Variants in KCNK2 observed in about 807,000 individuals in gnomAD.
The protein encoded by KCNK2 is potassium two pore domain channel subfamily K member 2, also known as potassium channel subfamily K member 2.
A neutral mutation model predicts 40.5 loss-of-function variants in KCNK2; 21 were observed. The observed-to-expected ratio is 0.52, with a 90% confidence interval of 0.37 to 0.75. The LOEUF is 0.75. Ranked by LOEUF, KCNK2 falls within the 30% of genes least tolerant of loss-of-function variation. The probability of loss-of-function intolerance (pLI) is 0.00; values close to 1 mark genes in which losing one functional copy is unlikely to be tolerated. For synonymous variants in KCNK2, 191 were observed against 202.2 expected, an observed-to-expected ratio of 0.94 and a Z score of 0.47; for missense variants, 399 against 531.6, an observed-to-expected ratio of 0.75 and a Z score of 2.45.
chr1:215,054,769 T>C (rs1177103904), intron 1 of KCNK2, among the ~76,000 whole-genome samples: 1 of 152,216 alleles, frequency 6.6e-6, no homozygotes, highest in African/African-American at 2.4e-5. Context: ...TTTTTAGCCT[T>C]TTTCCACACA....
chr1:215,112,682 C>T (rs1660745496), intron 2 of KCNK2, among the ~76,000 whole-genome samples: 1 of 151,954 alleles, frequency 6.6e-6, no homozygotes, highest in Admixed American at 6.6e-5. Context: ...ACTTTTATAC[C>T]CAATTTTTAC....
intron 2 of KCNK2, among the ~76,000 whole-genome samples, chr1:215,113,219 A>C (rs1660777778): frequency 6.6e-6 from 1 of 152,156 alleles, no homozygotes; most frequent in Admixed American, 6.6e-5. Context: ...TAAAAAATTC[A>C]TTTATGAATG....
At chr1:215,165,527 T>G (rs188710566) in intron 3 of KCNK2, among the ~76,000 whole-genome samples, 1 of 152,284 alleles carries the variant, frequency 6.6e-6, no homozygotes, top group East Asian at 1.9e-4. Flanking sequence ...TAACCTTTGC[T>G]TCTACAAATA....
At chr1:215,196,274 C>T (rs190794055) in intron 6 of KCNK2, among the ~76,000 whole-genome samples, 513 of 151,942 alleles carry the variant, frequency 3.4e-3, no homozygotes, top group African/African-American at 0.012. Context: ...TTAGTAGAGA[C>T]GGAGTTTCAT....
At chr1:215,041,801 G>A (rs1468153909) in intron 1 of KCNK2, among the ~76,000 whole-genome samples, 1 of 152,120 alleles carries the variant, frequency 6.6e-6, no homozygotes, top group African/African-American at 2.4e-5. Flanking sequence ...ACATCATTTT[G>A]TCATAGACCA....
chr1:215,093,590 AATATATAATATATAGT>A (rs1261292406), intron 2 of KCNK2, among the ~76,000 whole-genome samples: 8 of 105,236 alleles, frequency 7.6e-5, no homozygotes, highest in Non-Finnish European at 1.2e-4. Flanking sequence ...TATACTATAT[AATATATAATATATAGT>A]ATATATAATA....
chr1:215,156,226 G>A (rs1662918633), intron 3 of KCNK2, among the ~76,000 whole-genome samples: 4 of 152,046 alleles, frequency 2.6e-5, no homozygotes, highest in Admixed American at 2.6e-4. Flanking sequence ...ATTTATTTGT[G>A]GTGTTATTAA....
intron 2 of KCNK2, among the ~76,000 whole-genome samples, chr1:215,097,421 T>A (rs1233442079): frequency 1.3e-5 from 2 of 151,550 alleles, no homozygotes; most frequent in Admixed American, 6.6e-5. Context: ...TTACTTTCCT[T>A]TTTTTCTTAA....
At chr1:215,038,692 G>T (rs2102490956) in intron 1 of KCNK2, among the ~76,000 whole-genome samples, 1 of 152,030 alleles carries the variant, frequency 6.6e-6, no homozygotes, top group South Asian at 2.1e-4. Flanking sequence ...TTGTTCCTTG[G>T]TATATTTTAA....
intron 3 of KCNK2, among the ~76,000 whole-genome samples, chr1:215,134,281 G>A (rs1661803017): frequency 6.6e-6 from 1 of 152,064 alleles, no homozygotes. Context: ...ACAGGTGAAG[G>A]GCTCAGTCCC....
chr1:215,162,403 G>A (rs1663240656), intron 3 of KCNK2, among the ~76,000 whole-genome samples: 2 of 152,096 alleles, frequency 1.3e-5, no homozygotes, highest in South Asian at 4.1e-4. Flanking sequence ...TTCTTTTGCT[G>A]TGCAGAAGCT....
At chr1:215,030,656 T>G (rs1051657374) in intron 1 of KCNK2, among the ~76,000 whole-genome samples, 4 of 151,638 alleles carry the variant, frequency 2.6e-5, no homozygotes, top group African/African-American at 9.7e-5. Flanking sequence ...CACCTCAGCC[T>G]CCCGAGTAGC....
intron 3 of KCNK2, among the ~76,000 whole-genome samples, chr1:215,164,445 T>C (rs992315852): frequency 6.6e-6 from 1 of 152,148 alleles, no homozygotes; most frequent in Non-Finnish European, 1.5e-5. Flanking sequence ...AGTTATTTCT[T>C]GTCTTCTGCT....
intron 6 of KCNK2, among the ~76,000 whole-genome samples, chr1:215,209,359 A>T (rs1459755602): frequency 3.0e-5 from 2 of 66,392 alleles, no homozygotes; most frequent in East Asian, 1.0e-3. Context: ...ATTATATATA[A>T]TATATGCATA....
chr1:215,232,137 C>T (rs886210996), intron 6 of KCNK2, among the ~76,000 whole-genome samples: 1 of 152,106 alleles, frequency 6.6e-6, no homozygotes, highest in African/African-American at 2.4e-5. Context: ...GGTGTAGGTA[C>T]AAGAATATTC....
intron 3 of KCNK2, among the ~76,000 whole-genome samples, chr1:215,165,244 A>T (rs536225116): frequency 2.6e-5 from 4 of 152,236 alleles, no homozygotes; most frequent in African/African-American, 7.2e-5. Flanking sequence ...TCCATGTTTT[A>T]ATCATTCACA....
intron 2 of KCNK2, among the ~76,000 whole-genome samples, chr1:215,115,298 A>G (rs998847469): frequency 5.3e-5 from 8 of 152,108 alleles, no homozygotes; most frequent in African/African-American, 1.9e-4. Flanking sequence ...GGGAAATCAA[A>G]TGAATAGAGA....
At chr1:215,209,429 A>ATTATATATATAAAATATC in intron 6 of KCNK2, among the ~76,000 whole-genome samples, 1 of 44,452 alleles carries the variant, frequency 2.2e-5, no homozygotes, top group Non-Finnish European at 3.6e-5. Context: ...TATAATATAT[A>ATTATATATATAAAATATC]TAATATAAAA....
intron 4 of KCNK2, 77 bp from the exon 5 acceptor site, chr1:215,171,920 G>GTC (rs3834061): frequency 2.1e-4 from 189 of 884,934 alleles, no homozygotes; most frequent in South Asian, 6.2e-4. Context: ...CTCTCTCTTT[G>GTC]TCTCTCTCTC....
Sources: allele counts gnomAD v4.1 joint callset (sites outside exome capture counted in the v4.1 genomes callset), GRCh38; gene constraint gnomAD v4.1.1; transcripts MANE v1.5; gene names NCBI Gene and HGNC (gene_info 2026-07-23, HGNC 2026-07-21).